Variants in NFYC observed in about 807,000 individuals in gnomAD.
The protein encoded by NFYC is nuclear transcription factor Y subunit gamma.
Under a neutral mutation model 53.1 loss-of-function variants are expected in NFYC, and 25 were observed. That is an observed-to-expected ratio of 0.47 (90% CI 0.34 to 0.66). The LOEUF is 0.66. Among genes scored for constraint, NFYC ranks in the 30% least tolerant of loss-of-function variants. NFYC has a pLI of 0.01. For missense variants in NFYC, 260 were observed against 422.7 expected (o/e 0.62, Z 3.38); for synonymous variants, 145 against 152.6 (o/e 0.95, Z 0.37).
At chr1:40,769,133 T>C in intron 8 of NFYC, 1 of 535,088 alleles carries the variant, frequency 1.9e-6, no homozygotes, top group Non-Finnish European at 3.4e-6. Flanking sequence ...AACTATCTAT[T>C]ATGTGCTCCA....
At chr1:40,736,770 G>A (rs954208148) in intron 1 of NFYC, among the ~76,000 whole-genome samples, 1 of 136,682 alleles carries the variant, frequency 7.3e-6, no homozygotes, top group African/African-American at 2.7e-5. Context: ...TTCGATTTTG[G>A]ATTTTCAGAT....
intron 1 of NFYC, among the ~76,000 whole-genome samples, chr1:40,707,798 C>A (rs1643787638): frequency 6.7e-6 from 1 of 149,958 alleles, no homozygotes; most frequent in Non-Finnish European, 1.5e-5. Context: ...GAGATCGTGC[C>A]TCTACACCCC....
intron 1 of NFYC, among the ~76,000 whole-genome samples, chr1:40,697,640 A>G (rs903069791): frequency 6.6e-6 from 1 of 152,246 alleles, no homozygotes; most frequent in African/African-American, 2.4e-5. Flanking sequence ...ATAGTCATTT[A>G]AAATTTTTCT....
chr1:40,705,594 C>G (rs561809004), intron 1 of NFYC, among the ~76,000 whole-genome samples: 36 of 152,158 alleles, frequency 2.4e-4, no homozygotes, highest in Non-Finnish European at 4.9e-4. Context: ...GTTTCATGCT[C>G]TTATAAATGT....
Position 40,771,174 on chromosome 1 carries a change from T to G in NFYC, c.*346T>G. The G allele has an allele frequency of 2.9e-6, 1 of 341,848 alleles. No individual in the cohort carries two copies. The highest frequency in any genetic ancestry group is 5.5e-6 in the Non-Finnish European group (1 of 182,184). The allele number at this position is 341,848 out of a possible 1,614,324, so 21.2% of individuals were successfully genotyped here. A position where few individuals can be genotyped will look rare whatever the true frequency, so the allele number is the denominator to read the frequency against. On this transcript the variant is annotated 3_prime_UTR_variant, in exon 10 of 10. Coordinates refer to ENST00000447388, the MANE Select transcript of NFYC (RefSeq NM_014223.5). ...TTCTCCTTTTGTTTTTCTTTTTTTT[T>G]TGTTTGTTACTGCCACTTCTTTTTA...
rs146597487 is a variant in NFYC, at chr1:40,698,049, C to T, written c.-9+6182C>T. Among the ~76,000 whole-genome samples the T allele has an allele frequency of 2.2e-3, 339 of 152,142 alleles. 1 individual carries two copies. The highest frequency in any genetic ancestry group is 7.8e-3 in the African/African-American group (322 of 41,504). The stretch of plus-strand genomic sequence containing the variant: ...GCATTTGAATGTTTCCAGTAGAATA[C>T]GTTTAAAATAAAGGTTGAAATATCC... On this transcript the variant is annotated intron_variant, in intron 1 of 9. Coordinates refer to ENST00000447388, the MANE Select transcript of NFYC (RefSeq NM_014223.5).
intron 4 of NFYC, among the ~76,000 whole-genome samples, chr1:40,751,279 A>G (rs1645898913): frequency 6.6e-6 from 1 of 152,122 alleles, no homozygotes; most frequent in Admixed American, 6.5e-5. Flanking sequence ...GAGGGAAAAA[A>G]TTACATAGTG....
intron 1 of NFYC, among the ~76,000 whole-genome samples, chr1:40,731,773 C>G (rs1037444316): frequency 6.6e-6 from 1 of 152,220 alleles, no homozygotes; most frequent in Non-Finnish European, 1.5e-5. Flanking sequence ...CGTGAGCCAC[C>G]GCGCCTGGCC....
At chr1:40,725,229 A>G (rs1471780997) in intron 1 of NFYC, among the ~76,000 whole-genome samples, 1 of 152,192 alleles carries the variant, frequency 6.6e-6, no homozygotes, top group South Asian at 2.1e-4. Context: ...TCTTCTCTCT[A>G]GTCACTTTGC....
intron 1 of NFYC, among the ~76,000 whole-genome samples, chr1:40,706,677 A>G (rs1158800853): frequency 6.6e-6 from 1 of 152,218 alleles, no homozygotes; most frequent in African/African-American, 2.4e-5. Context: ...ATGAAAAGAA[A>G]AGAAAAACAT....
rs1274081086 is a variant in NFYC at position 40,766,702 on chromosome 1, A to G, written c.827A>G (p.Gln276Arg). 6.2e-7 allele frequency: 1 copy of G among 1,613,298 alleles called. No individual in the cohort carries two copies. The highest frequency in any genetic ancestry group is 8.5e-7 in the Non-Finnish European group (1 of 1,179,352). Residue 276 changes from glutamine (Q) to arginine (R), a missense_variant and splice_region_variant, in exon 8 of 10, where the codon CAG (glutamine) becomes CGG (arginine). By Grantham distance (43) the Gln-to-Arg change is conservative. Coordinates refer to ENST00000447388, the MANE Select transcript of NFYC (RefSeq NM_014223.5). ...QIQTLATNAQQITQTEVQQGQ... is the reference protein window; with the variant it reads ...QIQTLATNAQRITQTEVQQGQ... ...CAGACACTTGCCACCAATGCTCAAC[A>G]GGTATGTGCCCCAGAGACACAAGGC...
chr1:40,727,023 T>A (rs1280625263), intron 1 of NFYC, among the ~76,000 whole-genome samples: 1 of 152,228 alleles, frequency 6.6e-6, no homozygotes, highest in Non-Finnish European at 1.5e-5. Flanking sequence ...AGCAATCCAG[T>A]CACATCTCAG....
intron 2 of NFYC, among the ~76,000 whole-genome samples, chr1:40,743,786 G>A (rs112251348): frequency 4.6e-5 from 7 of 152,320 alleles, no homozygotes; most frequent in African/African-American, 7.2e-5. Flanking sequence ...TATGAACCAC[G>A]TGAGGGAGGA....
At chr1:40,695,367 TA>T (rs771794321) in intron 1 of NFYC, among the ~76,000 whole-genome samples, 18 of 152,228 alleles carry the variant, frequency 1.2e-4, no homozygotes, top group Non-Finnish European at 1.8e-4. Flanking sequence ...TGTAAACATA[TA>T]TGGGCTAAAC....
At chr1:40,744,562 T>C (rs1645513640) in intron 2 of NFYC, among the ~76,000 whole-genome samples, 3 of 152,238 alleles carry the variant, frequency 2.0e-5, no homozygotes, top group Non-Finnish European at 4.4e-5. Context: ...ATTGAGTGAA[T>C]TCAGATTTGA....
intron 1 of NFYC, among the ~76,000 whole-genome samples, chr1:40,714,590 T>C (rs1215263076): frequency 6.6e-6 from 1 of 152,198 alleles, no homozygotes. Context: ...ATATATTTCA[T>C]GTCTACATTT....
intron 1 of NFYC, among the ~76,000 whole-genome samples, chr1:40,717,271 G>A (rs552613984): frequency 6.6e-5 from 10 of 152,252 alleles, no homozygotes; most frequent in South Asian, 4.1e-4. Context: ...AGTCCTCTAG[G>A]TCAGTGCTCT....
intron 1 of NFYC, among the ~76,000 whole-genome samples, chr1:40,694,920 T>C (rs1268032580): frequency 1.3e-5 from 2 of 152,242 alleles, no homozygotes; most frequent in African/African-American, 4.8e-5. Flanking sequence ...ATGACAAATC[T>C]GTTATCTCAT....
chr1:40,706,489 T>C (rs1643697800), intron 1 of NFYC, among the ~76,000 whole-genome samples: 1 of 152,088 alleles, frequency 6.6e-6, no homozygotes, highest in African/African-American at 2.4e-5. Context: ...TGAGTTCTCA[T>C]GTATGGTCAA....
Sources: gnomAD v4.1 joint callset for allele counts (sites outside exome capture counted in the v4.1 genomes callset) on GRCh38, gnomAD v4.1.1 for gene constraint, MANE v1.5 for transcripts, NCBI Gene and HGNC (gene_info 2026-07-23, HGNC 2026-07-21) for gene names.